The following PABPC4L variants were observed in gnomAD, a reference collection of about 807,000 sequenced individuals.
PABPC4L encodes polyadenylate-binding protein 4-like.
For missense variants in PABPC4L, 452 were observed against 451.4 expected, an observed-to-expected ratio of 1.00 and a Z score of -0.01; for synonymous variants, 169 against 164.1, an observed-to-expected ratio of 1.03 and a Z score of -0.23.
At chr4:134,096,063 G>A in the PABPC4L span, among the ~76,000 whole-genome samples, 1 of 151,994 alleles carries the variant, frequency 6.6e-6, no homozygotes, top group Non-Finnish European at 1.5e-5. Context: ...GATTTTGTTA[G>A]TTTTGTTTAT....
chr4:134,154,101 A>G, the PABPC4L span, among the ~76,000 whole-genome samples: 1 of 152,056 alleles, frequency 6.6e-6, no homozygotes, highest in Non-Finnish European at 1.5e-5. Flanking sequence ...CTTATTATCT[A>G]TATGAAAGTT....
the PABPC4L span, among the ~76,000 whole-genome samples, chr4:134,110,429 A>AT: frequency 8.6e-5 from 13 of 151,994 alleles, no homozygotes; most frequent in African/African-American, 1.2e-4. Flanking sequence ...TATGAAAAAT[A>AT]TTTTTTTCTT....
At chr4:134,074,002 T>C in the PABPC4L span, among the ~76,000 whole-genome samples, 1 of 152,198 alleles carries the variant, frequency 6.6e-6, no homozygotes, top group African/African-American at 2.4e-5. Flanking sequence ...TTCTCTGACA[T>C]GCCCTGGAGA....
Position 134,200,484 on chromosome 4 carries a change from T to C in PABPC4L, c.536A>G (p.Glu179Gly). Residue 179 changes from glutamate to glycine, a missense_variant, in exon 2 of 2, where the codon GAA (glutamate) becomes GGA (glycine). Transcript: ENST00000421491. ...VGRFKNRKDREAELRSKASEF... is the reference protein window; with the variant it reads ...VGRFKNRKDRGAELRSKASEF... The stretch of plus-strand genomic sequence containing the variant: ...ACTGGCTTTGCTTCTGAGTTCAGCT[T>C]CACGATCTTTTCGGTTTTTGAATCT... 8 of 1,551,680 alleles carry C rather than the reference T, an allele frequency of 5.2e-6. No homozygotes were observed. The highest frequency in any genetic ancestry group is 7.0e-6 in the Non-Finnish European group (8 of 1,146,974).
chr4:134,046,693 G>A, the PABPC4L span, among the ~76,000 whole-genome samples: 4 of 152,134 alleles, frequency 2.6e-5, no homozygotes, highest in South Asian at 2.1e-4. Flanking sequence ...GCAGCTTTGC[G>A]CAGTGCATTG....
At chr4:134,010,549 G>A in the PABPC4L span, 126 of 152,212 alleles carry the variant, frequency 8.3e-4, no homozygotes, top group African/African-American at 2.9e-3. Context: ...CATAATAGTA[G>A]GGATAAAGTA....
the PABPC4L span, among the ~76,000 whole-genome samples, chr4:134,039,808 T>G: frequency 6.6e-6 from 1 of 152,000 alleles, no homozygotes; most frequent in Non-Finnish European, 1.5e-5. Context: ...AATGGGGTAT[T>G]TAGCCCATTT....
the PABPC4L span, among the ~76,000 whole-genome samples, chr4:134,043,904 A>G: frequency 8.6e-4 from 127 of 147,636 alleles, 2 homozygotes; most frequent in East Asian, 0.02. Flanking sequence ...CTGTATATAT[A>G]TGTGTGTGTG....
At chr4:134,115,625 AAAT>A in the PABPC4L span, among the ~76,000 whole-genome samples, 1 of 151,826 alleles carries the variant, frequency 6.6e-6, no homozygotes, top group Non-Finnish European at 1.5e-5. Context: ...GCAGAAGAGA[AAAT>A]AACTGTTTCC....
chr4:133,994,850 C>G, the PABPC4L span, among the ~76,000 whole-genome samples: 1 of 152,142 alleles, frequency 6.6e-6, no homozygotes, highest in African/African-American at 2.4e-5. Flanking sequence ...CTATTAATTA[C>G]CCCTGTGATC....
the PABPC4L span, among the ~76,000 whole-genome samples, chr4:134,143,919 C>T: frequency 5.3e-5 from 8 of 151,378 alleles, no homozygotes; most frequent in Non-Finnish European, 1.0e-4. Context: ...TTATACATTT[C>T]ACCTGCATAT....
chr4:134,172,552 T>C, the PABPC4L span, among the ~76,000 whole-genome samples: 2 of 152,088 alleles, frequency 1.3e-5, no homozygotes, highest in Non-Finnish European at 2.9e-5. Context: ...TAAAACTATA[T>C]AAATTCTTGG....
chr4:134,187,566 A>G, the PABPC4L span, among the ~76,000 whole-genome samples: 1 of 145,544 alleles, frequency 6.9e-6, no homozygotes, highest in Admixed American at 7.0e-5. Context: ...GGGAGGAGGG[A>G]TAGCATTAGG....
At chr4:134,057,947 T>A in the PABPC4L span, among the ~76,000 whole-genome samples, 1 of 152,058 alleles carries the variant, frequency 6.6e-6, no homozygotes, top group African/African-American at 2.4e-5. Context: ...ATTAAAATAA[T>A]TCTTATGAGA....
the PABPC4L span, among the ~76,000 whole-genome samples, chr4:134,151,216 G>C: frequency 3.9e-5 from 6 of 152,006 alleles, no homozygotes; most frequent in Admixed American, 3.9e-4. Context: ...GATTACACAG[G>C]CATTTATGTT....
the PABPC4L span, among the ~76,000 whole-genome samples, chr4:134,057,754 C>A: frequency 6.6e-6 from 1 of 152,054 alleles, no homozygotes; most frequent in South Asian, 2.1e-4. Flanking sequence ...AAAAAGAAAA[C>A]CTACAGAATT....
chr4:134,183,524 C>A, the PABPC4L span, among the ~76,000 whole-genome samples: 1 of 151,514 alleles, frequency 6.6e-6, no homozygotes, highest in Non-Finnish European at 1.5e-5. Context: ...TGCTTATTAC[C>A]TGGGTGACAA....
chr4:134,182,620 G>T, the PABPC4L span, among the ~76,000 whole-genome samples: 3 of 151,994 alleles, frequency 2.0e-5, no homozygotes, highest in South Asian at 4.1e-4. Flanking sequence ...TTAAACTAAA[G>T]AGTTTTTGCA....
Position 134,198,548 on chromosome 4 carries a change from G to C in PABPC4L, c.*1359C>G, listed in dbSNP as rs1729738514. ...AATAATAGTTATGAGAAAAAACTAA[G>C]CCAAGTAAAAATATGAAAACAGTAA... On this transcript the variant is annotated 3_prime_UTR_variant, in exon 2 of 2. Transcript: ENST00000421491. The C allele has an allele frequency of 6.6e-6, 1 of 151,320 alleles. No individual in the cohort carries two copies. The highest frequency in any genetic ancestry group is 1.5e-5 in the Non-Finnish European group (1 of 67,668). 9.4% of individuals were successfully genotyped at this position (151,320 alleles called of 1,614,324 possible).
Sources: allele counts gnomAD v4.1 joint callset (sites outside exome capture counted in the v4.1 genomes callset), GRCh38; gene constraint gnomAD v4.1.1; transcripts MANE v1.5; gene names NCBI Gene and HGNC (gene_info 2026-07-23, HGNC 2026-07-21).